Variants in TUSC3 observed in about 807,000 individuals in gnomAD.
The protein encoded by TUSC3 is dolichyl-diphosphooligosaccharide--protein glycosyltransferase subunit TUSC3.
In TUSC3, 45 loss-of-function variants were observed where a neutral mutation model predicts 44.8. The observed-to-expected ratio is 1.00, with a 90% CI of 0.79 to 1.29. The LOEUF is 1.29. Ranked by LOEUF, TUSC3 falls within the 50% of genes most tolerant of loss-of-function variation. The probability of loss-of-function intolerance (pLI) is 0.00; values close to 1 mark genes in which losing one functional copy is unlikely to be tolerated. For missense variants in TUSC3, 519 were observed against 437.9 expected, an observed-to-expected ratio of 1.19 and a Z score of -1.65; for synonymous variants, 212 against 152.9, an observed-to-expected ratio of 1.39 and a Z score of -2.85.
intron 1 of TUSC3, among the ~76,000 whole-genome samples, chr8:15,556,517 C>G (rs1483927363): frequency 1.3e-5 from 2 of 150,580 alleles, no homozygotes; most frequent in South Asian, 4.3e-4. Flanking sequence ...GGGTATATAC[C>G]CAGTAATGGG....
At chr8:15,611,325 T>A (rs941172119) in intron 1 of TUSC3, among the ~76,000 whole-genome samples, 3 of 152,116 alleles carry the variant, frequency 2.0e-5, no homozygotes, top group African/African-American at 7.2e-5. Context: ...TAGCTGAGAT[T>A]ACAGGCACCT....
At chr8:15,848,100 C>G in the TUSC3 span, among the ~76,000 whole-genome samples, 6 of 152,166 alleles carry the variant, frequency 3.9e-5, no homozygotes, top group African/African-American at 1.4e-4. Context: ...CGTGCCAATA[C>G]TGGCCTATTA....
chr8:15,462,363 A>G (rs1328010213), intron 1 of TUSC3, among the ~76,000 whole-genome samples: 1 of 152,078 alleles, frequency 6.6e-6, no homozygotes, highest in East Asian at 1.9e-4. Flanking sequence ...CTGAAAAGAC[A>G]TTTCTCCAAA....
the TUSC3 span, among the ~76,000 whole-genome samples, chr8:15,795,837 G>A: frequency 1.3e-5 from 2 of 152,168 alleles, no homozygotes; most frequent in African/African-American, 2.4e-5. Context: ...TGGAGGGACT[G>A]CATGAGGTCA....
At chr8:15,514,260 A>C (rs1051675258) in intron 2 of TUSC3, among the ~76,000 whole-genome samples, 2 of 152,202 alleles carry the variant, frequency 1.3e-5, no homozygotes, top group Non-Finnish European at 2.9e-5. Flanking sequence ...CATTAGGTCT[A>C]AGCTGACAAA....
At chr8:15,835,684 G>C in the TUSC3 span, among the ~76,000 whole-genome samples, 2 of 152,036 alleles carry the variant, frequency 1.3e-5, no homozygotes, top group Non-Finnish European at 2.9e-5. Flanking sequence ...TTTTTGGAAT[G>C]CTCTGTGCAG....
At chr8:15,745,554 A>G (rs954922522) in intron 8 of TUSC3, among the ~76,000 whole-genome samples, 1 of 151,934 alleles carries the variant, frequency 6.6e-6, no homozygotes, top group Non-Finnish European at 1.5e-5. Flanking sequence ...CTGCTGAGTA[A>G]TGATAATGAA....
chr8:15,498,796 C>A (rs1042925153), intron 2 of TUSC3, among the ~76,000 whole-genome samples: 31 of 152,150 alleles, frequency 2.0e-4, no homozygotes, highest in African/African-American at 7.2e-4. Flanking sequence ...CATGTAGAGA[C>A]TTTCAGCCAC....
Position 15,623,251 on chromosome 8 carries a change from T to C in TUSC3, c.308+2T>C. ...TCAGCGGCAGTGTTCTGTGTGCAGG[T>C]AATTTATGTAATTAAAAAATATTAA... On this transcript the variant is annotated splice_donor_variant, in intron 2 of 10. Transcript: ENST00000503731. LOFTEE classifies it high-confidence loss of function. 1 of 1,580,046 alleles carries C rather than the reference T, an allele frequency of 6.3e-7. No individual in the cohort carries two copies.
the TUSC3 span, among the ~76,000 whole-genome samples, chr8:15,848,361 A>T: frequency 3.3e-5 from 5 of 152,332 alleles, no homozygotes; most frequent in South Asian, 4.1e-4. Flanking sequence ...AGCTGGTTGG[A>T]ACAGGCTCTG....
Position 15,428,756 on chromosome 8 carries a change from C to T in TUSC3, n.91+11451C>T, listed in dbSNP as rs1172008350. On this transcript the variant is annotated intron_variant and non_coding_transcript_variant, in intron 1 of 5. Coordinates refer to the TUSC3 transcript ENST00000503191. ...CATTTTTTCATGTGTCTTTTGGCTG[C>T]ATAAATGTCGTCTTTTGAGAAGTGT... Among the ~76,000 whole-genome samples, 6 of 152,282 alleles carry T rather than the reference C, an allele frequency of 3.9e-5. No individual in the cohort carries two copies. The South Asian group carries it at 1.2e-3, about 32-fold the overall frequency.
At chr8:15,835,415 C>G in the TUSC3 span, among the ~76,000 whole-genome samples, 1 of 151,844 alleles carries the variant, frequency 6.6e-6, no homozygotes, top group Admixed American at 6.6e-5. Context: ...TTAGTTCACA[C>G]TTTTTCTCTT....
At chr8:15,806,581 A>G in the TUSC3 span, 3 of 1,469,962 alleles carry the variant, frequency 2.0e-6, no homozygotes, top group Non-Finnish European at 2.8e-6. Context: ...CCCAGATACT[A>G]TCACATGCAA....
At chr8:15,780,615 C>G in the TUSC3 span, among the ~76,000 whole-genome samples, 2 of 152,186 alleles carry the variant, frequency 1.3e-5, no homozygotes, top group Non-Finnish European at 2.9e-5. Flanking sequence ...TAGTCTGCAT[C>G]AGAGAGCTAA....
chr8:15,536,479 C>T (rs559346393), upstream of TUSC3, among the ~76,000 whole-genome samples: 72 of 151,698 alleles, frequency 4.7e-4, 4 homozygotes, highest in East Asian at 7.0e-3. Flanking sequence ...GTCAGTAGTA[C>T]GAGACCAGCC....
chr8:15,558,814 C>T (rs1802356106), intron 1 of TUSC3, among the ~76,000 whole-genome samples: 1 of 147,508 alleles, frequency 6.8e-6, no homozygotes, highest in Non-Finnish European at 1.5e-5. Context: ...GTAGTATTCT[C>T]TGATGGTAGT....
intron 3 of TUSC3, among the ~76,000 whole-genome samples, chr8:15,654,472 A>G (rs890908493): frequency 1.3e-5 from 2 of 152,178 alleles, no homozygotes; most frequent in African/African-American, 4.8e-5. Context: ...TATTTTTTAT[A>G]TATGTTATAT....
chr8:15,610,560 T>C (rs1804714714), intron 1 of TUSC3, among the ~76,000 whole-genome samples: 1 of 152,210 alleles, frequency 6.6e-6, no homozygotes, highest in African/African-American at 2.4e-5. Flanking sequence ...CTTATTGTTA[T>C]ACTGATTTTA....
chr8:15,488,439 C>A (rs1318226456), intron 2 of TUSC3, among the ~76,000 whole-genome samples: 1 of 152,094 alleles, frequency 6.6e-6, no homozygotes, highest in African/African-American at 2.4e-5. Flanking sequence ...GAGGCCAAGG[C>A]TGCAGTAAGC....
Sources: allele counts gnomAD v4.1 joint callset (sites outside exome capture counted in the v4.1 genomes callset), GRCh38; gene constraint gnomAD v4.1.1; transcripts MANE v1.5; gene names NCBI Gene and HGNC (gene_info 2026-07-23, HGNC 2026-07-21).